Variants in CEP112 observed in about 807,000 individuals in gnomAD.
The protein encoded by CEP112 is centrosomal protein of 112 kDa.
A neutral mutation model predicts 153.0 loss-of-function variants in CEP112; 127 were observed. The observed-to-expected ratio is 0.83, with a 90% CI of 0.72 to 0.96. CEP112 has a LOEUF of 0.96. Among genes scored for constraint, CEP112 ranks in the 40% least tolerant of loss-of-function variants. The probability of loss-of-function intolerance (pLI) is 0.00; values close to 1 mark genes in which losing one functional copy is unlikely to be tolerated. For missense variants in CEP112, 1,089 were observed against 1,101.2 expected, an observed-to-expected ratio of 0.99 and a Z score of 0.16; for synonymous variants, 358 against 374.4, an observed-to-expected ratio of 0.96 and a Z score of 0.51.
chr17:65,814,248 A>G (rs967857308), intron 21 of CEP112, among the ~76,000 whole-genome samples: 7 of 152,214 alleles, frequency 4.6e-5, no homozygotes, highest in African/African-American at 1.7e-4. Flanking sequence ...TCACCAAAGA[A>G]GAAGCGTATG....
intron 23 of CEP112, among the ~76,000 whole-genome samples, chr17:65,718,792 G>C (rs12452481): frequency 0.2 from 30,564 of 152,168 alleles, 3,920 homozygotes; most frequent in Middle Eastern, 0.38. Context: ...ATTGAGAAGG[G>C]ACAGACCAGA....
chr17:66,077,846 C>G (rs1364486577), intron 8 of CEP112, among the ~76,000 whole-genome samples: 2 of 152,340 alleles, frequency 1.3e-5, no homozygotes, highest in Admixed American at 1.3e-4. Context: ...TCTGTTTACC[C>G]TGCTGACTGT....
intron 12 of CEP112, among the ~76,000 whole-genome samples, chr17:66,049,964 T>C (rs2066370201): frequency 6.6e-6 from 1 of 151,960 alleles, no homozygotes; most frequent in African/African-American, 2.4e-5. Flanking sequence ...GTAGAAGGGA[T>C]AGATCTTTTC....
chr17:66,081,635 T>C (rs1173660699), intron 8 of CEP112, among the ~76,000 whole-genome samples: 1 of 147,740 alleles, frequency 6.8e-6, no homozygotes, highest in Non-Finnish European at 1.5e-5. Context: ...AAAGGCCTAA[T>C]TCCAAGCGCA....
At chr17:65,953,899 A>T (rs1048761010) in intron 18 of CEP112, among the ~76,000 whole-genome samples, 3 of 152,126 alleles carry the variant, frequency 2.0e-5, no homozygotes, top group Non-Finnish European at 4.4e-5. Context: ...CAAAAATCGT[A>T]ATCTTTTGTG....
intron 18 of CEP112, among the ~76,000 whole-genome samples, chr17:65,936,786 G>C (rs73349042): frequency 0.42 from 53,187 of 125,396 alleles, 12,594 homozygotes; most frequent in East Asian, 0.86. Flanking sequence ...AAGTCTCTCC[G>C]TCTACCTCTC....
intron 12 of CEP112, among the ~76,000 whole-genome samples, chr17:66,045,294 T>C (rs899878042): frequency 5.0e-4 from 76 of 152,216 alleles, no homozygotes; most frequent in African/African-American, 1.7e-3. Flanking sequence ...GGTCTCAAAC[T>C]CCTGGGCTCA....
intron 19 of CEP112, among the ~76,000 whole-genome samples, chr17:65,916,287 G>GTGTGTGTGTGTGTGTATGTA (rs138734881): frequency 2.5e-4 from 37 of 147,586 alleles, no homozygotes; most frequent in South Asian, 8.8e-4. Flanking sequence ...GTGTGTGTGT[G>GTGTGTGTGTGTGTGTATGTA]TGTGTATGTG....
At chr17:65,682,594 C>T (rs1029460339) in intron 24 of CEP112, among the ~76,000 whole-genome samples, 2 of 152,298 alleles carry the variant, frequency 1.3e-5, no homozygotes, top group African/African-American at 4.8e-5. Context: ...CTGGTCCTGA[C>T]ACACAACACA....
At chr17:65,805,941 G>A (rs1341724759) in intron 21 of CEP112, among the ~76,000 whole-genome samples, 1 of 152,116 alleles carries the variant, frequency 6.6e-6, no homozygotes, top group African/African-American at 2.4e-5. Flanking sequence ...AGAATTTTAA[G>A]CTGCATTATG....
chr17:65,947,350 G>C (rs58835646), intron 18 of CEP112, among the ~76,000 whole-genome samples: 9,838 of 152,044 alleles, frequency 0.065, 465 homozygotes, highest in African/African-American at 0.12. Context: ...GTAGAGAGCA[G>C]GTATTCATAA....
intron 18 of CEP112, among the ~76,000 whole-genome samples, chr17:65,931,291 G>A (rs1157316191): frequency 2.0e-5 from 3 of 152,176 alleles, no homozygotes; most frequent in Admixed American, 6.5e-5. Context: ...ACATAGGAGT[G>A]AGGCTGACAC....
intron 23 of CEP112, among the ~76,000 whole-genome samples, chr17:65,697,526 T>G (rs568638649): frequency 1.2e-4 from 19 of 152,168 alleles, no homozygotes; most frequent in African/African-American, 4.1e-4. Context: ...TCATGTGAGA[T>G]TTACAGACTT....
intron 20 of CEP112, among the ~76,000 whole-genome samples, chr17:65,877,440 A>G (rs2058874334): frequency 6.6e-6 from 1 of 152,196 alleles, no homozygotes; most frequent in African/African-American, 2.4e-5. Context: ...CCTCAGTGGA[A>G]TGGAGTCTCC....
Position 66,013,647 on chromosome 17 carries a change from AC to A in CEP112, c.1657-7879del, listed in dbSNP as rs147306261. Among the ~76,000 whole-genome samples, 56 of 152,354 alleles carry A rather than the reference AC, an allele frequency of 3.7e-4. 1 individual carries two copies. In the East Asian group the frequency reaches 0.01, roughly 28 times the overall value. On this transcript the variant is annotated intron_variant, in intron 16 of 26. Transcript: ENST00000535342. ...CTGGTCCGATGGCCACAACACTCCA[AC>A]GAGTGGTGCCAGCCAAAGCGCTTCA...
intron 11 of CEP112, among the ~76,000 whole-genome samples, chr17:66,055,372 G>A (rs750492263): frequency 6.6e-6 from 1 of 152,188 alleles, no homozygotes; most frequent in Non-Finnish European, 1.5e-5. Flanking sequence ...AATCCCTGAT[G>A]TATCTAATTT....
At chr17:65,857,045 TA>T (rs1314335872) in intron 20 of CEP112, among the ~76,000 whole-genome samples, 1 of 152,186 alleles carries the variant, frequency 6.6e-6, no homozygotes, top group Non-Finnish European at 1.5e-5. Flanking sequence ...AATATCTCCA[TA>T]AAGTGAGTCA....
At chr17:65,759,590 A>C (rs911885651) in intron 21 of CEP112, among the ~76,000 whole-genome samples, 1 of 152,182 alleles carries the variant, frequency 6.6e-6, no homozygotes, top group East Asian at 1.9e-4. Context: ...TAAAACAGTA[A>C]AATTCATGAC....
chr17:65,818,117 T>C (rs2056363152), intron 21 of CEP112, among the ~76,000 whole-genome samples: 1 of 151,862 alleles, frequency 6.6e-6, no homozygotes, highest in African/African-American at 2.4e-5. Flanking sequence ...TTAACTGAAC[T>C]AAACTGGTCT....
Sources: gnomAD v4.1 joint callset for allele counts (sites outside exome capture counted in the v4.1 genomes callset) on GRCh38, gnomAD v4.1.1 for gene constraint, MANE v1.5 for transcripts, NCBI Gene and HGNC (gene_info 2026-07-23, HGNC 2026-07-21) for gene names.